KIAA0825: variants seen among roughly 807,000 people sequenced by gnomAD.
KIAA0825 encodes KIAA0825, also known as uncharacterized protein KIAA0825.
KIAA0825 carries 119 observed loss-of-function variants against 147.6 expected under a neutral mutation model. The observed-to-expected ratio is 0.81, with a 90% CI of 0.69 to 0.94. The LOEUF (loss-of-function observed/expected upper bound fraction) is 0.94, where lower values mean the gene tolerates loss of function less well. Among genes scored for constraint, KIAA0825 ranks in the 40% least tolerant of loss-of-function variants. KIAA0825 has a pLI of 0.00. For synonymous variants in KIAA0825, 470 were observed against 518.1 expected (o/e 0.91, Z 1.26); for missense variants, 1,381 against 1,472.7 (o/e 0.94, Z 1.02).
chr5:94,194,191 C>T (rs1770921983), intron 20 of KIAA0825, among the ~76,000 whole-genome samples: 1 of 152,150 alleles, frequency 6.6e-6, no homozygotes, highest in Non-Finnish European at 1.5e-5. Flanking sequence ...CTGCCCTCCC[C>T]AGGCTCCTGC....
At chr5:94,569,942 T>C (rs547298742) in intron 2 of KIAA0825, 21 of 154,652 alleles carry the variant, frequency 1.4e-4, no homozygotes, top group South Asian at 4.1e-4. Context: ...TGTCCTCCCA[T>C]GAGGCCAAAT....
intron 13 of KIAA0825, among the ~76,000 whole-genome samples, chr5:94,447,193 G>T (rs1055417546): frequency 6.6e-6 from 1 of 151,872 alleles, no homozygotes; most frequent in African/African-American, 2.4e-5. Flanking sequence ...ATGTATGGTT[G>T]GTACCCATAT....
chr5:94,601,498 C>T (rs1040026228), intron 1 of KIAA0825, among the ~76,000 whole-genome samples: 15 of 152,168 alleles, frequency 9.9e-5, no homozygotes, highest in African/African-American at 3.4e-4. Context: ...GCATTCTCTC[C>T]TTCAAATGAC....
intron 20 of KIAA0825, among the ~76,000 whole-genome samples, chr5:94,227,558 T>A: frequency 2.1e-5 from 3 of 141,682 alleles, no homozygotes; most frequent in Admixed American, 7.1e-5. Flanking sequence ...AATAATAAAA[T>A]AAAATAAAAA....
intron 14 of KIAA0825, among the ~76,000 whole-genome samples, chr5:94,439,284 G>A (rs1313480890): frequency 1.3e-5 from 2 of 152,136 alleles, no homozygotes; most frequent in Non-Finnish European, 2.9e-5. Flanking sequence ...TTCGCTTGTG[G>A]TACGTAATAG....
chr5:94,186,335 A>G (rs1182981064), intron 20 of KIAA0825, among the ~76,000 whole-genome samples: 1 of 152,184 alleles, frequency 6.6e-6, no homozygotes, highest in Non-Finnish European at 1.5e-5. Flanking sequence ...ATAGGATAGT[A>G]TAGATGATTT....
chr5:94,559,359 T>C (rs1777142740), intron 2 of KIAA0825, among the ~76,000 whole-genome samples: 1 of 152,212 alleles, frequency 6.6e-6, no homozygotes, highest in Non-Finnish European at 1.5e-5. Context: ...TTAACTTCCC[T>C]CTTACGTTTT....
At chr5:94,171,199 T>A (rs1417414779) in intron 20 of KIAA0825, among the ~76,000 whole-genome samples, 5 of 152,128 alleles carry the variant, frequency 3.3e-5, no homozygotes, top group Non-Finnish European at 4.4e-5. Context: ...CCTATGCTGT[T>A]CTCATGATAG....
chr5:94,259,762 C>A (rs1023709761), intron 20 of KIAA0825, among the ~76,000 whole-genome samples: 2 of 151,812 alleles, frequency 1.3e-5, no homozygotes, highest in African/African-American at 2.4e-5. Context: ...GTGCCTTTAT[C>A]CTGCAGCAAT....
At chr5:94,154,631 A>C (rs1766866750) in intron 20 of KIAA0825, among the ~76,000 whole-genome samples, 2 of 152,170 alleles carry the variant, frequency 1.3e-5, no homozygotes, top group Admixed American at 6.5e-5. Flanking sequence ...TGAAGCAATC[A>C]AGTTCAACCA....
intron 11 of KIAA0825, 60 bp downstream of exon 11, chr5:94,464,809 C>T (rs1183954426): frequency 1.0e-5 from 15 of 1,437,146 alleles, no homozygotes; most frequent in Middle Eastern, 1.8e-4. Context: ...CAGAATTCTG[C>T]TTTATACCAA....
rs1266913146 is a variant in KIAA0825, at chr5:94,417,420, A to G, written c.2498-55T>C. 2.8e-6 allele frequency: 4 copies of G among 1,425,128 alleles called. No homozygotes were observed. The South Asian group carries it at 5.2e-5, about 19-fold the overall frequency. The allele number at this position is 1,425,128 out of a possible 1,614,324, so 88.3% of individuals were successfully genotyped here. On this transcript the variant is annotated intron_variant, in intron 14 of 20. Transcript: ENST00000682413. ...AAATGATTTAGTAAGATATCAGTGA[A>G]TATGATTAAACTCTTACTATGTACA...
chr5:94,545,367 C>T (rs879190486), intron 2 of KIAA0825, among the ~76,000 whole-genome samples: 2 of 152,140 alleles, frequency 1.3e-5, no homozygotes, highest in Admixed American at 6.5e-5. Context: ...CCTAAGGAGA[C>T]ACCAGCTGGG....
At chr5:94,272,985 A>C (rs1234109755) in intron 20 of KIAA0825, among the ~76,000 whole-genome samples, 2 of 152,302 alleles carry the variant, frequency 1.3e-5, no homozygotes, top group Admixed American at 6.5e-5. Flanking sequence ...ACAGACAATA[A>C]ATTTAGGATG....
chr5:94,451,149 A>T (rs184333229), intron 13 of KIAA0825, among the ~76,000 whole-genome samples: 1 of 152,182 alleles, frequency 6.6e-6, no homozygotes, highest in South Asian at 2.1e-4. Context: ...TGGTAATTTC[A>T]TCATTACTAA....
chr5:94,229,632 T>C (rs1583919007), intron 20 of KIAA0825, among the ~76,000 whole-genome samples: 1 of 152,048 alleles, frequency 6.6e-6, no homozygotes, highest in Non-Finnish European at 1.5e-5. Context: ...TGTTATCGTT[T>C]CCTGTATTTT....
At chr5:94,172,219 A>G (rs1768688312) in intron 20 of KIAA0825, among the ~76,000 whole-genome samples, 1 of 152,200 alleles carries the variant, frequency 6.6e-6, no homozygotes, top group South Asian at 2.1e-4. Context: ...GTCACTGGTC[A>G]ATCTTGGACT....
chr5:94,614,690 T>G (rs570726794), intron 1 of KIAA0825, among the ~76,000 whole-genome samples: 1 of 152,076 alleles, frequency 6.6e-6, no homozygotes, highest in Non-Finnish European at 1.5e-5. Context: ...AGGTCTTTCC[T>G]CATCTGCCCT....
chr5:94,207,174 A>G (rs1019208811), intron 20 of KIAA0825, among the ~76,000 whole-genome samples: 1 of 152,206 alleles, frequency 6.6e-6, no homozygotes, highest in African/African-American at 2.4e-5. Flanking sequence ...AAAATGCAGT[A>G]TCATACTCTG....
Sources: allele counts gnomAD v4.1 joint callset (sites outside exome capture counted in the v4.1 genomes callset), GRCh38; gene constraint gnomAD v4.1.1; transcripts MANE v1.5; gene names NCBI Gene and HGNC (gene_info 2026-07-23, HGNC 2026-07-21).